The following FTCDNL1 variants were observed in gnomAD, a reference collection of about 807,000 sequenced individuals.
FTCDNL1 encodes the protein formiminotransferase N-terminal subdomain-containing protein.
A neutral mutation model predicts 5.9 loss-of-function variants in FTCDNL1; 11 were observed. The ratio of observed to expected loss-of-function variants is 1.87; its 90% CI spans 1.18 to 3.10. The LOEUF (loss-of-function observed/expected upper bound fraction) is 3.10, where lower values mean the gene tolerates loss of function less well. Among genes scored for constraint, FTCDNL1 ranks in the 30% most tolerant of loss-of-function variants. The pLI is 0.00. For synonymous variants in FTCDNL1, 58 were observed against 24.8 expected, an observed-to-expected ratio of 2.34 and a Z score of -3.99; for missense variants, 115 against 65.5, an observed-to-expected ratio of 1.76 and a Z score of -2.61.
intron 3 of FTCDNL1, among the ~76,000 whole-genome samples, chr2:199,772,386 A>G (rs1480997388): frequency 6.6e-6 from 1 of 152,212 alleles, no homozygotes; most frequent in Non-Finnish European, 1.5e-5. Flanking sequence ...AATTGAAATC[A>G]TCTTGTGACA....
intron 3 of FTCDNL1, among the ~76,000 whole-genome samples, chr2:199,765,604 G>C (rs1418631128): frequency 7.6e-6 from 1 of 132,344 alleles, no homozygotes; most frequent in Admixed American, 8.7e-5. Context: ...TTGGAGTGCA[G>C]GGGCGTGATC....
chr2:199,780,011 T>A (rs1163973377), intron 3 of FTCDNL1, among the ~76,000 whole-genome samples: 1 of 152,140 alleles, frequency 6.6e-6, no homozygotes, highest in Non-Finnish European at 1.5e-5. Flanking sequence ...CAGCTAGCCC[T>A]GATGAAATAA....
chr2:199,845,769 A>G (rs2076715689), intron 3 of FTCDNL1, among the ~76,000 whole-genome samples: 1 of 151,480 alleles, frequency 6.6e-6, no homozygotes, highest in South Asian at 2.1e-4. Flanking sequence ...CAACACTATT[A>G]CTTCACAGGC....
At chr2:199,798,796 C>A (rs931124384) in intron 3 of FTCDNL1, among the ~76,000 whole-genome samples, 1 of 152,172 alleles carries the variant, frequency 6.6e-6, no homozygotes, top group Non-Finnish European at 1.5e-5. Context: ...CTGACTGTTG[C>A]CCTCAACCAT....
At chr2:199,778,624 T>C (rs1343789699) in intron 3 of FTCDNL1, among the ~76,000 whole-genome samples, 1 of 152,210 alleles carries the variant, frequency 6.6e-6, no homozygotes, top group Non-Finnish European at 1.5e-5. Flanking sequence ...AAAGCAAGTT[T>C]AGAATGTACT....
chr2:199,823,460 T>C (rs1372312637), intron 3 of FTCDNL1, among the ~76,000 whole-genome samples: 2 of 152,178 alleles, frequency 1.3e-5, no homozygotes, highest in East Asian at 3.9e-4. Context: ...CCTTACAAAA[T>C]GTATTTCTTA....
At chr2:199,666,520 A>G in the FTCDNL1 span, among the ~76,000 whole-genome samples, 2 of 152,342 alleles carry the variant, frequency 1.3e-5, no homozygotes, top group South Asian at 4.1e-4. Context: ...AGAACTTCAT[A>G]TATTCAATGA....
At chr2:199,773,641 G>A (rs890284780) in intron 3 of FTCDNL1, among the ~76,000 whole-genome samples, 1 of 152,180 alleles carries the variant, frequency 6.6e-6, no homozygotes, top group East Asian at 1.9e-4. Flanking sequence ...TCTTTAGAGG[G>A]ACACCTGCAC....
intron 3 of FTCDNL1, among the ~76,000 whole-genome samples, chr2:199,774,053 T>TACTCATCC: frequency 6.6e-6 from 1 of 152,312 alleles, no homozygotes; most frequent in East Asian, 1.9e-4. Flanking sequence ...ATTTGCAATG[T>TACTCATCC]TTTGTAATAC....
chr2:199,790,162 C>T (rs1313140731), intron 3 of FTCDNL1, among the ~76,000 whole-genome samples: 1 of 151,710 alleles, frequency 6.6e-6, no homozygotes, highest in African/African-American at 2.4e-5. Context: ...TTCTGTATAG[C>T]ATAAGACACT....
At chr2:199,786,357 T>C (rs1337352827) in intron 3 of FTCDNL1, among the ~76,000 whole-genome samples, 1 of 151,950 alleles carries the variant, frequency 6.6e-6, no homozygotes. Context: ...TTCAGAACCT[T>C]AAAAGGGGGT....
chr2:199,751,032 C>T, the FTCDNL1 span, among the ~76,000 whole-genome samples: 1 of 152,172 alleles, frequency 6.6e-6, no homozygotes, highest in Non-Finnish European at 1.5e-5. Flanking sequence ...AGTTGGGCCT[C>T]CCCCATCTAT....
intron 3 of FTCDNL1, among the ~76,000 whole-genome samples, chr2:199,783,743 G>A (rs1699486811): frequency 6.6e-6 from 1 of 151,932 alleles, no homozygotes. Context: ...CCCTCAGCAA[G>A]CCCAGCACTT....
chr2:199,814,074 C>A (rs1165184529), intron 4 of FTCDNL1, among the ~76,000 whole-genome samples: 1 of 151,968 alleles, frequency 6.6e-6, no homozygotes, highest in Non-Finnish European at 1.5e-5. Flanking sequence ...ACAAACAGAG[C>A]AAGGCAACCA....
chr2:199,721,751 A>G, the FTCDNL1 span, among the ~76,000 whole-genome samples: 1 of 152,168 alleles, frequency 6.6e-6, no homozygotes, highest in Non-Finnish European at 1.5e-5. Context: ...AACAGTGTAA[A>G]AGCATTCCTA....
At chr2:199,717,081 GGGAAAAAAATTCT>G in the FTCDNL1 span, among the ~76,000 whole-genome samples, 2 of 152,102 alleles carry the variant, frequency 1.3e-5, no homozygotes, top group Admixed American at 1.3e-4. Context: ...GGCAAAAAGG[GGGAAAAAAATTCT>G]CTCAGGAGCC....
the FTCDNL1 span, among the ~76,000 whole-genome samples, chr2:199,695,697 A>ACCC: frequency 6.6e-6 from 1 of 152,002 alleles, no homozygotes; most frequent in Non-Finnish European, 1.5e-5. Context: ...GCTCCAGGAG[A>ACCC]CCCCACGACC....
At chr2:199,802,522 G>T (rs907689792) in intron 3 of FTCDNL1, among the ~76,000 whole-genome samples, 1 of 152,228 alleles carries the variant, frequency 6.6e-6, no homozygotes, top group Non-Finnish European at 1.5e-5. Context: ...GAGTTCTGGA[G>T]CACTGGCTGC....
At chr2:199,719,210 C>T in the FTCDNL1 span, among the ~76,000 whole-genome samples, 3 of 151,984 alleles carry the variant, frequency 2.0e-5, no homozygotes, top group Non-Finnish European at 4.4e-5. Context: ...TTGAGTAAAT[C>T]ATTGTATATG....
Sources: gnomAD v4.1 joint callset for allele counts (sites outside exome capture counted in the v4.1 genomes callset) on GRCh38, gnomAD v4.1.1 for gene constraint, MANE v1.5 for transcripts, NCBI Gene and HGNC (gene_info 2026-07-23, HGNC 2026-07-21) for gene names.